Variants in SNX27 observed in about 807,000 individuals in gnomAD.
SNX27 encodes the protein sorting nexin-27.
SNX27 carries 22 observed loss-of-function variants against 71.6 expected under a neutral mutation model. That is an observed-to-expected ratio of 0.31 (90% CI 0.22 to 0.44). The LOEUF is 0.44. Among genes scored for constraint, SNX27 ranks in the 20% least tolerant of loss-of-function variants. The pLI is 1.00. For synonymous variants in SNX27, 269 were observed against 277.2 expected (o/e 0.97, Z 0.29); for missense variants, 531 against 698.6 (o/e 0.76, Z 2.70).
At position 151,694,726 on chromosome 1, in the gene SNX27, T is replaced by C; in HGVS notation, c.*309T>C. ...GGGCCTCATACCAACAGCCTCTCCT[T>C]GTACTATATTTTTAAAACTGGAACT... On this transcript the variant is annotated 3_prime_UTR_variant, in exon 12 of 12. Transcript: ENST00000458013. 3.6e-6 allele frequency: 1 copy of C among 276,484 alleles called. No homozygotes were observed. Among genetic ancestry groups the C allele is most frequent in the Non-Finnish European group, 6.8e-6 (1 of 148,036 alleles). 17.1% of individuals were successfully genotyped at this position (276,484 alleles called of 1,614,324 possible). A position where few individuals can be genotyped will look rare whatever the true frequency, so the allele number is the denominator to read the frequency against.
intron 1 of SNX27, among the ~76,000 whole-genome samples, chr1:151,621,466 T>C (rs1175538071): frequency 6.6e-6 from 1 of 152,216 alleles, no homozygotes; most frequent in Non-Finnish European, 1.5e-5. Flanking sequence ...CTGAAACTTT[T>C]TAGATTCTTG....
intron 11 of SNX27, 124 bp downstream of exon 11, chr1:151,693,607 G>C: frequency 1.9e-6 from 3 of 1,614,066 alleles, no homozygotes; most frequent in Non-Finnish European, 2.5e-6. Flanking sequence ...ATTAGTTAGA[G>C]ACTGATTATC....
rs965506493 is a variant in SNX27 at position 151,694,381 on chromosome 1, G to C, written c.1590G>C (p.Gln530His). 9.7e-6 allele frequency: 15 copies of C among 1,549,352 alleles called. No individual in the cohort carries two copies. The African/African-American group carries it at 2.1e-4, about 21-fold the overall frequency. Residue 530 changes from glutamine (Q) to histidine (H), a missense_variant, in exon 12 of 12, where the codon CAG becomes CAC. This residue lies in a region of SNX27 where 157 missense variants were observed against 178.4 expected (regional missense o/e 0.88). Transcript: ENST00000458013. ...ELKWRKENIFQMARSQQRDVA... is the reference protein window; with the variant it reads ...ELKWRKENIFHMARSQQRDVA... ...TTTTTTCCTTTCAGAACATTTTCCA[G>C]ATGGCGAGGTCACAGCAGAGAGATG... is the stretch of plus-strand genomic sequence containing the variant.
intron 1 of SNX27, among the ~76,000 whole-genome samples, chr1:151,619,348 A>G (rs1217183376): frequency 2.0e-5 from 3 of 152,328 alleles, no homozygotes; most frequent in Non-Finnish European, 4.4e-5. Context: ...AAAATAAAAC[A>G]AAACTGAACA....
chr1:151,614,322 A>G (rs901486346), intron 1 of SNX27: 1 of 152,140 alleles, frequency 6.6e-6, no homozygotes, highest in Middle Eastern at 3.4e-3. Flanking sequence ...TTGTCTGACA[A>G]TATATTCTTT....
At position 151,698,335 on chromosome 1, in the gene SNX27, G is replaced by T; in HGVS notation, c.*3918G>T. The T allele has an allele frequency of 6.5e-6, 1 of 152,734 alleles. No homozygotes were observed. 9.5% of individuals were successfully genotyped at this position (152,734 alleles called of 1,614,324 possible). ...CCTAGGAGGTAGTTTTCTTGAAGGG[G>T]ACTGCATCCTAGTTGACCTGAATTT... is the stretch of plus-strand genomic sequence containing the variant. On this transcript the variant is annotated 3_prime_UTR_variant, in exon 12 of 12. Coordinates refer to ENST00000458013, the MANE Select transcript of SNX27 (RefSeq NM_001330723.2).
chr1:151,667,484 G>A (rs1328909120), intron 6 of SNX27, among the ~76,000 whole-genome samples: 1 of 152,090 alleles, frequency 6.6e-6, no homozygotes, highest in African/African-American at 2.4e-5. Flanking sequence ...TGCCACATGA[G>A]AGACTCTGAA....
intron 2 of SNX27, among the ~76,000 whole-genome samples, chr1:151,651,950 G>A (rs1023692366): frequency 6.6e-5 from 10 of 152,030 alleles, no homozygotes; most frequent in African/African-American, 2.4e-5. Context: ...CTGCAATCCC[G>A]GCACCTGGGG....
At chr1:151,645,591 A>G (rs928291623) in intron 2 of SNX27, among the ~76,000 whole-genome samples, 14 of 152,208 alleles carry the variant, frequency 9.2e-5, no homozygotes, top group Non-Finnish European at 1.8e-4. Flanking sequence ...TTAGTCTGAG[A>G]TACATGTGGT....
chr1:151,621,182 C>G (rs1667659258), intron 1 of SNX27, among the ~76,000 whole-genome samples: 1 of 152,100 alleles, frequency 6.6e-6, no homozygotes, highest in African/African-American at 2.4e-5. Context: ...TGAATTGTTG[C>G]TTTCTTTCAT....
At chr1:151,651,949 C>T (rs536739612) in intron 2 of SNX27, among the ~76,000 whole-genome samples, 12 of 152,136 alleles carry the variant, frequency 7.9e-5, no homozygotes, top group South Asian at 4.1e-4. Flanking sequence ...TCTGCAATCC[C>T]GGCACCTGGG....
rs1453826049 is a variant in SNX27 at position 151,696,384 on chromosome 1, A to G, written c.*1967A>G. The G allele has an allele frequency of 1.3e-5, 2 of 152,202 alleles. No individual in the cohort carries two copies. Among genetic ancestry groups the G allele is most frequent in the East Asian group, 3.8e-4 (2 of 5,196 alleles). 9.4% of individuals were successfully genotyped at this position (152,202 alleles called of 1,614,324 possible). The stretch of plus-strand genomic sequence containing the variant: ...AGACAGTCATAATTGGTTGTAGTCA[A>G]TTCTACTAAGCAGTGTTGGGGTGGT... On this transcript the variant is annotated 3_prime_UTR_variant, in exon 12 of 12. Transcript: ENST00000458013.
chr1:151,625,950 C>T (rs1419496534), intron 1 of SNX27, among the ~76,000 whole-genome samples: 1 of 143,892 alleles, frequency 6.9e-6, no homozygotes, highest in Admixed American at 7.0e-5. Flanking sequence ...ACTGTGTCAC[C>T]AAAAAAAAAA....
intron 7 of SNX27, among the ~76,000 whole-genome samples, chr1:151,673,246 G>C (rs1027984544): frequency 2.6e-5 from 4 of 151,814 alleles, no homozygotes; most frequent in Non-Finnish European, 5.9e-5. Context: ...GGAGTATATT[G>C]TTTAATTTCC....
chr1:151,681,156 C>T (rs1255519648), intron 7 of SNX27, among the ~76,000 whole-genome samples: 1 of 149,702 alleles, frequency 6.7e-6, no homozygotes, highest in Non-Finnish European at 1.5e-5. Context: ...TCCAGTTTTA[C>T]ACAGTGAAAG....
At chr1:151,692,776 A>G (rs1463345312) in intron 9 of SNX27, 135 bp from the exon 10 acceptor site, 4 of 1,396,790 alleles carry the variant, frequency 2.9e-6, no homozygotes, top group African/African-American at 1.4e-5. Context: ...GTATTCTTCT[A>G]TCACAGTCCT....
chr1:151,645,374 T>C (rs1668986977), intron 2 of SNX27, among the ~76,000 whole-genome samples: 2 of 152,212 alleles, frequency 1.3e-5, no homozygotes, highest in South Asian at 4.1e-4. Context: ...TATTGAGTCA[T>C]TTTGGATTGT....
chr1:151,675,037 T>C (rs970844549), intron 7 of SNX27, among the ~76,000 whole-genome samples: 3 of 152,192 alleles, frequency 2.0e-5, no homozygotes, highest in Admixed American at 6.5e-5. Context: ...TTTAGCCACA[T>C]CTACCACCTC....
intron 7 of SNX27, among the ~76,000 whole-genome samples, chr1:151,682,829 G>A (rs953893645): frequency 1.3e-5 from 2 of 152,152 alleles, no homozygotes; most frequent in African/African-American, 4.8e-5. Flanking sequence ...GAGGTCAAGA[G>A]TTGGAGACTA....
Sources: allele counts gnomAD v4.1 joint callset (sites outside exome capture counted in the v4.1 genomes callset), GRCh38; gene constraint gnomAD v4.1.1; regional missense constraint gnomAD v4.1.1; transcripts MANE v1.5; gene names NCBI Gene and HGNC (gene_info 2026-07-23, HGNC 2026-07-21).